The following GALNT12 variants were observed in gnomAD, a reference collection of about 807,000 sequenced individuals.
GALNT12 encodes UDP-GalNAc:polypeptide N-acetylgalactosaminyltransferase 12.
GALNT12 carries 45 observed loss-of-function variants against 55.5 expected under a neutral mutation model. The ratio of observed to expected loss-of-function variants is 0.81; its 90% CI spans 0.64 to 1.04. GALNT12 has a LOEUF of 1.04. GALNT12 is among the 50% of genes least tolerant of loss of function. The pLI is 0.00. For synonymous variants in GALNT12, 304 were observed against 312.2 expected (o/e 0.97, Z 0.28); for missense variants, 709 against 754.8 (o/e 0.94, Z 0.71).
intron 8 of GALNT12, 91 bp from the exon 9 acceptor site, chr9:98,845,886 C>A: frequency 7.2e-7 from 1 of 1,396,672 alleles, no homozygotes; most frequent in Non-Finnish European, 1.0e-6. Flanking sequence ...CCCACCCATG[C>A]TCTCGTGATC....
chr9:98,817,168 G>T (rs1387751395), intron 1 of GALNT12, among the ~76,000 whole-genome samples: 2 of 152,094 alleles, frequency 1.3e-5, no homozygotes, highest in East Asian at 3.9e-4. Flanking sequence ...TTTTTGCCAT[G>T]TTGCCCAGGC....
chr9:98,809,333 T>C (rs2118265387), intron 1 of GALNT12, among the ~76,000 whole-genome samples: 1 of 152,346 alleles, frequency 6.6e-6, no homozygotes, highest in East Asian at 1.9e-4. Context: ...AATAAAACTT[T>C]GTTGGGATTG....
At chr9:98,820,317 G>C (rs1588442972) in intron 1 of GALNT12, among the ~76,000 whole-genome samples, 2 of 152,178 alleles carry the variant, frequency 1.3e-5, no homozygotes, top group Non-Finnish European at 2.9e-5. Flanking sequence ...TCATAATTCA[G>C]TTCTCACTTA....
In GALNT12 at chr9:98,823,442, GCTC is replaced by G. The variant is rs757603243; in HGVS notation, c.541+18_541+20del. The G allele has an allele frequency of 6.2e-7, 1 of 1,611,318 alleles. No homozygotes were observed. The highest frequency in any genetic ancestry group is 8.5e-7 in the Non-Finnish European group (1 of 1,177,550). On this transcript the variant is annotated intron_variant, in intron 2 of 9. Transcript: ENST00000375011. Reference sequence around the variant, plus strand: ...GTGATAGAGGTGAGTCCCGGCCAGGGCTCTGGGAAGAGCCTGTCCTTCTGTAGC... The same window carrying G: ...GTGATAGAGGTGAGTCCCGGCCAGGGTGGGAAGAGCCTGTCCTTCTGTAGC...
rs187676679 is a variant in GALNT12, at chr9:98,808,568, T to C, written c.371+499T>C. ...GATGGCTGTAAGGCCCCCTCAGCGC[T>C]AGAAAGCCTCCTTGTGCTCTCCCTG... On this transcript the variant is annotated intron_variant, in intron 1 of 9. Coordinates refer to ENST00000375011, the MANE Select transcript of GALNT12 (RefSeq NM_024642.5). 8.2e-4 allele frequency among the ~76,000 whole-genome samples: 125 copies of C among 152,266 alleles called. 4 individuals carry two copies. In the East Asian group the frequency reaches 0.023, roughly 28 times the overall value.
intron 2 of GALNT12, 115 bp from the exon 3 acceptor site, chr9:98,826,637 T>C: frequency 1.9e-6 from 2 of 1,033,370 alleles, no homozygotes; most frequent in Non-Finnish European, 2.9e-6. Context: ...CAAAGGAGGC[T>C]CCTGTCTATT....
intron 1 of GALNT12, among the ~76,000 whole-genome samples, chr9:98,820,170 G>T (rs1369488264): frequency 6.6e-6 from 1 of 152,002 alleles, no homozygotes; most frequent in Admixed American, 6.5e-5. Flanking sequence ...TGCCATGGTT[G>T]TTTGTTGTAC....
chr9:98,847,017 T>C (rs10739719), intron 9 of GALNT12, among the ~76,000 whole-genome samples: 118,610 of 152,106 alleles, frequency 0.78, 46,635 homozygotes, highest in East Asian at 1. Context: ...GTAGTCTCCC[T>C]GGATAGTCAC....
chr9:98,831,602 G>T, intron 3 of GALNT12, 170 bp from the exon 4 acceptor site: 1 of 286,994 alleles, frequency 3.5e-6, no homozygotes, highest in Non-Finnish European at 5.2e-6. Context: ...GTGGTCACCT[G>T]CCAGGGCTCT....
chr9:98,813,805 AT>A lies in GALNT12; in HGVS notation c.371+5739del, dbSNP rs1416799110. Among the ~76,000 whole-genome samples the A allele has an allele frequency of 2.6e-4, 8 of 30,536 alleles. No homozygotes were observed. The South Asian group carries it at 3.0e-3, about 11-fold the overall frequency. The allele number at this position is 30,536 out of a possible 152,430, so 20.0% of individuals were successfully genotyped here. A position where few individuals can be genotyped will look rare whatever the true frequency, so the allele number is the denominator to read the frequency against. On this transcript the variant is annotated intron_variant, in intron 1 of 9. Transcript: ENST00000375011. ...GTGAGCCACAGCGCCCAGCCAAGAGATTTAAAAAAAAAAAACTTTTTATCAA... is the reference window on the plus strand; with the variant it reads ...GTGAGCCACAGCGCCCAGCCAAGAGATTAAAAAAAAAAAACTTTTTATCAA...
intron 1 of GALNT12, among the ~76,000 whole-genome samples, chr9:98,821,961 G>A (rs935373064): frequency 2.6e-5 from 4 of 152,184 alleles, no homozygotes; most frequent in African/African-American, 9.7e-5. Flanking sequence ...ATGGGAGCAG[G>A]GGCCTGGCCT....
chr9:98,823,480 G>A (rs1835792123), intron 2 of GALNT12, 55 bp downstream of exon 2: 22 of 1,534,080 alleles, frequency 1.4e-5, no homozygotes, highest in Middle Eastern at 1.9e-4. Context: ...CAGTGTCTGG[G>A]AGGTGAGAGT....
rs1462023287 is a variant in GALNT12 at position 98,837,620 on chromosome 9, T to C, written c.1212+472T>C. On this transcript the variant is annotated intron_variant, in intron 6 of 9. Transcript: ENST00000375011. ...CTCTTCATCACAACCTTCTTGCATT[T>C]AGGAACACTAGGTAGCACTTCAGCA... 2.6e-5 allele frequency among the ~76,000 whole-genome samples: 4 copies of C among 152,184 alleles called. No homozygotes were observed. In the East Asian group the frequency reaches 7.7e-4, roughly 29 times the overall value.
intron 3 of GALNT12, among the ~76,000 whole-genome samples, chr9:98,831,184 T>TA (rs1028345793): frequency 8.5e-5 from 13 of 152,112 alleles, no homozygotes; most frequent in African/African-American, 1.9e-4. Context: ...AACATTAAAA[T>TA]AAAAAAATAG....
chr9:98,846,247 GA>G, intron 9 of GALNT12, 124 bp downstream of exon 9: 1 of 1,297,524 alleles, frequency 7.7e-7, no homozygotes, highest in Admixed American at 1.7e-5. Flanking sequence ...GCATGGACAG[GA>G]GCTCTGGAAG....
At chr9:98,843,285 T>TA (rs1259233433) in intron 7 of GALNT12, among the ~76,000 whole-genome samples, 1 of 152,216 alleles carries the variant, frequency 6.6e-6, no homozygotes, top group Non-Finnish European at 1.5e-5. Flanking sequence ...TACTACAGCT[T>TA]AGAGTATTAT....
At position 98,807,876 on chromosome 9, in the gene GALNT12, C is replaced by G. The variant is rs992673909; in HGVS notation, c.178C>G (p.Arg60Gly). ...ACCCCCGCGCACCCCGCGCCCCGGG[C>G]GGCGCGAGCCGGTCATGCCGCGGCC... ...PGPPRTPRPGRREPVMPRPPV... is the reference protein window; with the variant it reads ...PGPPRTPRPGGREPVMPRPPV... The change falls in exon 1 of 10, where the codon CGG (arginine) becomes GGG (glycine). Residue 60 changes from arginine (R) to glycine (G), a missense_variant. Physicochemically the swap from Arg to Gly is moderately radical, Grantham distance 125. Around this residue, in one of 5 missense-constraint regions of GALNT12, gnomAD observed 110 missense variants for 102.2 expected, o/e 1.08. Transcript: ENST00000375011. 7.7e-6 allele frequency: 8 copies of G among 1,040,486 alleles called. No homozygotes were observed. The highest frequency in any genetic ancestry group is 9.2e-6 in the Non-Finnish European group (8 of 867,656). The allele number at this position is 1,040,486 out of a possible 1,614,324, so 64.5% of individuals were successfully genotyped here. A position where few individuals can be genotyped will look rare whatever the true frequency, so the allele number is the denominator to read the frequency against.
Position 98,840,800 on chromosome 9 carries a change from G to A in GALNT12, c.1344+667G>A, listed in dbSNP as rs563458877. 8.5e-5 allele frequency among the ~76,000 whole-genome samples: 13 copies of A among 152,278 alleles called. No individual in the cohort carries two copies. In the South Asian group the frequency reaches 2.5e-3, roughly 29 times the overall value. On this transcript the variant is annotated intron_variant, in intron 7 of 9. Coordinates refer to ENST00000375011, the MANE Select transcript of GALNT12 (RefSeq NM_024642.5). ...AATGAATACCATCCCTGAGATTCTA[G>A]AATTTTCAAGATCCTGCCTCTCTTT...
intron 3 of GALNT12, among the ~76,000 whole-genome samples, chr9:98,828,314 C>T (rs550794198): frequency 1.3e-5 from 2 of 152,226 alleles, no homozygotes; most frequent in Non-Finnish European, 2.9e-5. Flanking sequence ...TCTTTCTCCT[C>T]CTCAGCTCTG....
Sources: gnomAD v4.1 joint callset for allele counts (sites outside exome capture counted in the v4.1 genomes callset) on GRCh38, gnomAD v4.1.1 for gene constraint, gnomAD v4.1.1 regional missense constraint, MANE v1.5 for transcripts, NCBI Gene and HGNC (gene_info 2026-07-23, HGNC 2026-07-21) for gene names.